TRDN: variants seen among roughly 807,000 people sequenced by gnomAD.
TRDN encodes the protein triadin in skeletal muscle.
In TRDN, 161 loss-of-function variants were observed where a neutral mutation model predicts 149.7. The ratio of observed to expected loss-of-function variants is 1.08; its 90% CI spans 0.95 to 1.23. The LOEUF is 1.23. TRDN is among the 50% of genes most tolerant of loss of function. The pLI is 0.00. For missense variants in TRDN, 896 were observed against 823.5 expected (o/e 1.09, Z -1.08); for synonymous variants, 294 against 250.5 (o/e 1.17, Z -1.64).
At chr6:123,332,789 G>C (rs568659957) in intron 22 of TRDN, among the ~76,000 whole-genome samples, 2 of 152,136 alleles carry the variant, frequency 1.3e-5, no homozygotes, top group East Asian at 3.9e-4. Context: ...TACAGAGACT[G>C]TGATGGTGGT....
chr6:123,363,790 T>C (rs1205690521), intron 20 of TRDN, among the ~76,000 whole-genome samples: 4 of 152,202 alleles, frequency 2.6e-5, no homozygotes, highest in Non-Finnish European at 5.9e-5. Flanking sequence ...TTCAACCCCA[T>C]ACTATGTGAG....
At chr6:123,337,300 A>T (rs979062795) in intron 22 of TRDN, among the ~76,000 whole-genome samples, 4 of 152,032 alleles carry the variant, frequency 2.6e-5, no homozygotes, top group African/African-American at 9.7e-5. Context: ...AGAATCAGAG[A>T]ATTTGGGGAC....
At chr6:123,251,025 A>G (rs545474092) in intron 38 of TRDN, among the ~76,000 whole-genome samples, 129 of 152,222 alleles carry the variant, frequency 8.5e-4, no homozygotes, top group Non-Finnish European at 9.3e-4. Context: ...AAATCTTGGC[A>G]TTACCTCCTT....
At chr6:123,265,405 C>T in intron 32 of TRDN, 67 bp from the exon 33 acceptor site, 1 of 1,033,636 alleles carries the variant, frequency 9.7e-7, no homozygotes, top group East Asian at 3.0e-5. Context: ...GACATATCAG[C>T]CCTTTATATT....
At chr6:123,433,167 AT>A (rs1562310475) in intron 12 of TRDN, among the ~76,000 whole-genome samples, 3 of 86,688 alleles carry the variant, frequency 3.5e-5, no homozygotes. Flanking sequence ...TATATAATAT[AT>A]ATATATATAT....
intron 12 of TRDN, among the ~76,000 whole-genome samples, chr6:123,436,300 A>C (rs919186411): frequency 2.0e-5 from 3 of 152,110 alleles, no homozygotes; most frequent in African/African-American, 7.2e-5. Flanking sequence ...AAAATAAGAA[A>C]GTTTTAAAAG....
chr6:123,452,721 C>T lies in TRDN; in HGVS notation c.931+12185G>A, dbSNP rs182420115. ...AATGCAATCCCCAACAAAATACCAC[C>T]GTAATTCTTCGCAGAGTTAGAAAAA... On this transcript the variant is annotated intron_variant, in intron 10 of 40. Coordinates refer to ENST00000334268, the MANE Select transcript of TRDN (RefSeq NM_006073.4). Among the ~76,000 whole-genome samples the T allele has an allele frequency of 4.5e-4, 69 of 152,096 alleles. 1 individual carries two copies. The highest frequency in any genetic ancestry group is 1.5e-3 in the South Asian group (7 of 4,814).
intron 24 of TRDN, among the ~76,000 whole-genome samples, chr6:123,302,380 A>G (rs951998279): frequency 2.6e-5 from 4 of 152,108 alleles, no homozygotes; most frequent in Non-Finnish European, 5.9e-5. Flanking sequence ...TTTAAGCTCA[A>G]ATAAACACAC....
chr6:123,618,237 A>G (rs1459327355), intron 1 of TRDN, among the ~76,000 whole-genome samples: 3 of 152,176 alleles, frequency 2.0e-5, no homozygotes, highest in African/African-American at 7.2e-5. Context: ...ATGGGTCTCA[A>G]GGAGCTAAAA....
intron 10 of TRDN, among the ~76,000 whole-genome samples, chr6:123,455,199 C>A (rs1286985945): frequency 6.6e-6 from 1 of 152,114 alleles, no homozygotes; most frequent in Admixed American, 6.6e-5. Flanking sequence ...TTATTCAATA[C>A]ATTTCAAATT....
At chr6:123,602,093 G>A (rs2114651571) in intron 1 of TRDN, among the ~76,000 whole-genome samples, 1 of 152,182 alleles carries the variant, frequency 6.6e-6, no homozygotes, top group Admixed American at 6.6e-5. Context: ...TATAGTCCCT[G>A]CTCTCATGAC....
chr6:123,530,943 TTTTACATATTAAATTAAGAA>T (rs1780224349), intron 4 of TRDN, among the ~76,000 whole-genome samples: 1 of 152,066 alleles, frequency 6.6e-6, no homozygotes, highest in South Asian at 2.1e-4. Context: ...AAGATTTAGT[TTTTACATATTAAATTAAGAA>T]TTTGTGAAAT....
intron 24 of TRDN, 132 bp downstream of exon 24, chr6:123,316,325 A>T: frequency 1.2e-6 from 1 of 817,994 alleles, no homozygotes; most frequent in Admixed American, 2.3e-5. Context: ...TATGGCACAT[A>T]GCATCAGTAT....
At chr6:123,385,648 C>T (rs1490900219) in intron 14 of TRDN, among the ~76,000 whole-genome samples, 3 of 151,946 alleles carry the variant, frequency 2.0e-5, no homozygotes, top group African/African-American at 4.8e-5. Flanking sequence ...ATAGAACTAG[C>T]GACTAATTCT....
chr6:123,429,089 A>G (rs913963895), intron 12 of TRDN: 3 of 152,040 alleles, frequency 2.0e-5, no homozygotes, highest in East Asian at 3.9e-4. Flanking sequence ...AGAGGGAGGA[A>G]AAAAAAAGAC....
chr6:123,284,122 T>A (rs1777717426), intron 24 of TRDN, among the ~76,000 whole-genome samples: 1 of 134,954 alleles, frequency 7.4e-6, no homozygotes, highest in South Asian at 2.6e-4. Context: ...GTTGACATTA[T>A]TCGACAAGAC....
At chr6:123,398,330 A>C (rs1442676428) in intron 12 of TRDN, among the ~76,000 whole-genome samples, 1 of 152,196 alleles carries the variant, frequency 6.6e-6, no homozygotes, top group Non-Finnish European at 1.5e-5. Flanking sequence ...CTTAGGTAAG[A>C]AAACTAAATA....
At chr6:123,316,326 G>A (rs761136317) in intron 24 of TRDN, 131 bp downstream of exon 24, 55 of 819,052 alleles carry the variant, frequency 6.7e-5, no homozygotes, top group Non-Finnish European at 9.4e-5. Flanking sequence ...ATGGCACATA[G>A]CATCAGTATT....
At chr6:123,517,808 T>C (rs1281755980) in intron 5 of TRDN, among the ~76,000 whole-genome samples, 4 of 152,178 alleles carry the variant, frequency 2.6e-5, no homozygotes, top group African/African-American at 9.7e-5. Context: ...TGTAACATTT[T>C]CTTTGATCTC....
Sources: allele counts gnomAD v4.1 joint callset (sites outside exome capture counted in the v4.1 genomes callset), GRCh38; gene constraint gnomAD v4.1.1; transcripts MANE v1.5; gene names NCBI Gene and HGNC (gene_info 2026-07-23, HGNC 2026-07-21).